The following MSRA variants were observed in gnomAD, a reference collection of about 807,000 sequenced individuals.
MSRA encodes mitochondrial peptide methionine sulfoxide reductase.
Under a neutral mutation model 31.3 loss-of-function variants are expected in MSRA, and 54 were observed. The ratio of observed to expected loss-of-function variants is 1.73; its 90% confidence interval spans 1.39 to 2.17. The LOEUF is 2.17. MSRA is among the 30% of genes most tolerant of loss of function. The pLI is 0.00. For synonymous variants in MSRA, 169 were observed against 116.5 expected, an observed-to-expected ratio of 1.45 and a Z score of -2.90; for missense variants, 507 against 300.9, an observed-to-expected ratio of 1.69 and a Z score of -5.07.
chr8:10,057,047 CTG>C (rs1802412991), intron 1 of MSRA, among the ~76,000 whole-genome samples: 1 of 152,222 alleles, frequency 6.6e-6, no homozygotes. Flanking sequence ...CTTTTACACA[CTG>C]TGACCAAGAT....
At chr8:10,250,159 C>G (rs995946323) in intron 3 of MSRA, among the ~76,000 whole-genome samples, 2 of 152,084 alleles carry the variant, frequency 1.3e-5, no homozygotes, top group Admixed American at 1.3e-4. Flanking sequence ...TGCAAACCAA[C>G]TGATTAACTG....
At chr8:10,272,883 G>C (rs1165523915) in intron 3 of MSRA, among the ~76,000 whole-genome samples, 2 of 150,218 alleles carry the variant, frequency 1.3e-5, no homozygotes, top group Non-Finnish European at 3.0e-5. Flanking sequence ...TGAATGAATG[G>C]ATGAATAACA....
chr8:10,068,527 G>A (rs1051417002), intron 1 of MSRA, among the ~76,000 whole-genome samples: 2 of 152,110 alleles, frequency 1.3e-5, no homozygotes, highest in Non-Finnish European at 2.9e-5. Flanking sequence ...TTTGCCTGTG[G>A]GTGTCCAGTT....
At chr8:10,260,140 C>T (rs1383382972) in intron 3 of MSRA, among the ~76,000 whole-genome samples, 1 of 152,136 alleles carries the variant, frequency 6.6e-6, no homozygotes, top group Non-Finnish European at 1.5e-5. Context: ...GAAGAAGTGG[C>T]AAAGAAAGGG....
chr8:10,139,981 C>G (rs1554460627), intron 1 of MSRA, among the ~76,000 whole-genome samples: 1 of 152,180 alleles, frequency 6.6e-6, no homozygotes, highest in Non-Finnish European at 1.5e-5. Context: ...TAGCAAAAGA[C>G]AGATGAACAG....
At chr8:10,276,666 AAGTT>A (rs1799337296) in intron 3 of MSRA, among the ~76,000 whole-genome samples, 1 of 152,214 alleles carries the variant, frequency 6.6e-6, no homozygotes, top group African/African-American at 2.4e-5. Flanking sequence ...AGACAACAGA[AAGTT>A]AGGTTGATTG....
At chr8:10,066,634 A>C (rs901192479) in intron 1 of MSRA, among the ~76,000 whole-genome samples, 4 of 152,082 alleles carry the variant, frequency 2.6e-5, no homozygotes, top group Admixed American at 1.3e-4. Flanking sequence ...CCCAGCTTCA[A>C]GTGATTGTTC....
intron 1 of MSRA, among the ~76,000 whole-genome samples, chr8:10,059,788 A>C (rs1802603324): frequency 6.6e-6 from 1 of 152,226 alleles, no homozygotes; most frequent in Non-Finnish European, 1.5e-5. Context: ...TCTAGAAATA[A>C]AAACACCAAC....
intron 3 of MSRA, among the ~76,000 whole-genome samples, chr8:10,278,822 G>C (rs1022629188): frequency 5.3e-5 from 8 of 152,302 alleles, no homozygotes; most frequent in Admixed American, 1.3e-4. Flanking sequence ...TGATTTCAAA[G>C]GACCTGGGCA....
chr8:10,154,285 G>A (rs921599888), intron 1 of MSRA, among the ~76,000 whole-genome samples: 2 of 141,850 alleles, frequency 1.4e-5, no homozygotes, highest in Non-Finnish European at 3.0e-5. Context: ...CGGCAGGGCA[G>A]GGGTGCTACC....
intron 1 of MSRA, among the ~76,000 whole-genome samples, chr8:10,065,159 C>A (rs1797395925): frequency 6.6e-6 from 1 of 152,122 alleles, no homozygotes; most frequent in Admixed American, 6.5e-5. Context: ...ATTCAGCATT[C>A]CTCACACCCC....
intron 1 of MSRA, among the ~76,000 whole-genome samples, chr8:10,184,674 T>A (rs2129051286): frequency 1.3e-5 from 2 of 152,298 alleles, no homozygotes; most frequent in East Asian, 3.9e-4. Flanking sequence ...CCCCATTTGT[T>A]TTCACTGATC....
intron 5 of MSRA, among the ~76,000 whole-genome samples, chr8:10,343,478 T>C (rs1251285729): frequency 1.3e-5 from 2 of 152,216 alleles, no homozygotes; most frequent in African/African-American, 2.4e-5. Flanking sequence ...GGCATATGGT[T>C]TTCTTTTTCT....
chr8:10,221,947 A>G (rs1351424390), intron 2 of MSRA, among the ~76,000 whole-genome samples: 1 of 152,044 alleles, frequency 6.6e-6, no homozygotes, highest in African/African-American at 2.4e-5. Flanking sequence ...GAGGAGGAGG[A>G]GCAGCTGAGG....
At chr8:10,104,131 G>A (rs1478097018) in intron 1 of MSRA, among the ~76,000 whole-genome samples, 1 of 152,062 alleles carries the variant, frequency 6.6e-6, no homozygotes, top group African/African-American at 2.4e-5. Context: ...GGGCGTTTAG[G>A]GATCTGCTTT....
chr8:10,176,041 G>T (rs982710868), intron 1 of MSRA, among the ~76,000 whole-genome samples: 1 of 152,308 alleles, frequency 6.6e-6, no homozygotes, highest in South Asian at 2.1e-4. Flanking sequence ...GGCCCAAGTT[G>T]AATGGTAATT....
intron 1 of MSRA, among the ~76,000 whole-genome samples, chr8:10,156,488 G>T (rs1196004719): frequency 5.3e-5 from 8 of 152,130 alleles, no homozygotes; most frequent in Non-Finnish European, 1.2e-4. Context: ...TTAATTCTTG[G>T]TGAATGTAGG....
chr8:10,372,039 A>G (rs1011302278), intron 5 of MSRA, among the ~76,000 whole-genome samples: 30 of 152,178 alleles, frequency 2.0e-4, no homozygotes, highest in African/African-American at 7.0e-4. Flanking sequence ...ATGCCATATA[A>G]TCTTAAGCAT....
At chr8:10,095,570 G>C (rs1444495040) in intron 1 of MSRA, 1 of 985,874 alleles carries the variant, frequency 1.0e-6, no homozygotes, top group Non-Finnish European at 1.2e-6. Context: ...GAGAGAAAGA[G>C]GGAGAGAGAG....
Sources: allele counts gnomAD v4.1 joint callset (sites outside exome capture counted in the v4.1 genomes callset), GRCh38; gene constraint gnomAD v4.1.1; transcripts MANE v1.5; gene names NCBI Gene and HGNC (gene_info 2026-07-23, HGNC 2026-07-21).